KCND2: variants seen among roughly 807,000 people sequenced by gnomAD.
KCND2 encodes the protein potassium voltage-gated channel subfamily D member 2.
A neutral mutation model predicts 54.4 loss-of-function variants in KCND2; 16 were observed. The observed-to-expected ratio is 0.29, with a 90% CI of 0.20 to 0.45. The LOEUF (loss-of-function observed/expected upper bound fraction) is 0.45. Among genes scored for constraint, KCND2 ranks in the 20% least tolerant of loss-of-function variants. The pLI is 1.00. For synonymous variants in KCND2, 317 were observed against 310.7 expected (o/e 1.02, Z -0.21); for missense variants, 486 against 824.2 (o/e 0.59, Z 5.02).
chr7:120,596,095 A>T (rs1792742425), intron 1 of KCND2, among the ~76,000 whole-genome samples: 1 of 151,988 alleles, frequency 6.6e-6, no homozygotes, highest in African/African-American at 2.4e-5. Flanking sequence ...TTTCCAGGTG[A>T]TCTTTGTTTT....
At chr7:120,579,586 G>A (rs1265496747) in intron 1 of KCND2, among the ~76,000 whole-genome samples, 1 of 148,282 alleles carries the variant, frequency 6.7e-6, no homozygotes, top group African/African-American at 2.5e-5. Flanking sequence ...TGGAGACGGG[G>A]CGAGACTCTG....
At chr7:120,463,980 C>T (rs1357831701) in intron 1 of KCND2, 1 of 835,450 alleles carries the variant, frequency 1.2e-6, no homozygotes, top group Non-Finnish European at 1.4e-6. Context: ...AATACCCTGA[C>T]TGGCTACATT....
chr7:120,456,991 T>G (rs574576241), intron 1 of KCND2, among the ~76,000 whole-genome samples: 3 of 152,312 alleles, frequency 2.0e-5, no homozygotes, highest in Admixed American at 6.5e-5. Flanking sequence ...CAGGTGCACC[T>G]GCAGGGCCAA....
chr7:120,376,452 T>C (rs1230051925), intron 1 of KCND2, among the ~76,000 whole-genome samples: 1 of 151,072 alleles, frequency 6.6e-6, no homozygotes, highest in Non-Finnish European at 1.5e-5. Context: ...TGTTACAGTT[T>C]TTAAAATATT....
intron 1 of KCND2, among the ~76,000 whole-genome samples, chr7:120,587,020 G>A (rs1792608918): frequency 6.6e-6 from 1 of 151,728 alleles, no homozygotes; most frequent in Non-Finnish European, 1.5e-5. Flanking sequence ...ATCCAAATAG[G>A]GATTTTAAAT....
chr7:120,370,016 G>C (rs774309007), intron 1 of KCND2, among the ~76,000 whole-genome samples: 1 of 151,954 alleles, frequency 6.6e-6, no homozygotes, highest in South Asian at 2.1e-4. Flanking sequence ...ATGGGGAAGA[G>C]ACTTGCAATG....
At chr7:120,444,860 T>A in intron 1 of KCND2, among the ~76,000 whole-genome samples, 1 of 152,126 alleles carries the variant, frequency 6.6e-6, no homozygotes, top group East Asian at 1.9e-4. Flanking sequence ...ACAATTCCCA[T>A]TAACATCAAT....
In KCND2 at chr7:120,497,988, A is replaced by G. The variant is rs567535708; in HGVS notation, c.1115+222241A>G. Among the ~76,000 whole-genome samples the G allele has an allele frequency of 3.9e-5, 6 of 152,362 alleles. No homozygotes were observed. In the East Asian group the frequency reaches 1.2e-3, roughly 29 times the overall value. On this transcript the variant is annotated intron_variant, in intron 1 of 5. Coordinates refer to ENST00000331113, the MANE Select transcript of KCND2 (RefSeq NM_012281.3). ...TAAAAAATAAATTAATGGAATGACA[A>G]TAGAGGAAGCAACAAGATCTTAATG...
intron 1 of KCND2, among the ~76,000 whole-genome samples, chr7:120,723,425 G>C (rs141577901): frequency 2.6e-5 from 4 of 152,174 alleles, no homozygotes; most frequent in Non-Finnish European, 5.9e-5. Context: ...TCCAAGAGAA[G>C]AATAGATGGT....
intron 1 of KCND2, among the ~76,000 whole-genome samples, chr7:120,347,842 G>T (rs950239633): frequency 6.6e-6 from 1 of 152,108 alleles, no homozygotes; most frequent in African/African-American, 2.4e-5. Flanking sequence ...AGACAGAGTG[G>T]TTTATAAAGA....
chr7:120,439,283 G>A (rs1037409754), intron 1 of KCND2, among the ~76,000 whole-genome samples: 3 of 151,994 alleles, frequency 2.0e-5, no homozygotes, highest in Admixed American at 6.5e-5. Context: ...TCTTCACCTA[G>A]TGTTCTCTTT....
intron 1 of KCND2, among the ~76,000 whole-genome samples, chr7:120,706,662 A>G (rs1258696597): frequency 6.6e-6 from 1 of 152,214 alleles, no homozygotes; most frequent in Non-Finnish European, 1.5e-5. Context: ...ACAGAATTAC[A>G]TAGAAGAGTG....
At chr7:120,585,420 G>C (rs1209204670) in intron 1 of KCND2, among the ~76,000 whole-genome samples, 1 of 152,162 alleles carries the variant, frequency 6.6e-6, no homozygotes, top group Non-Finnish European at 1.5e-5. Context: ...GATGAGAAAA[G>C]GGAGGTGCAC....
intron 1 of KCND2, among the ~76,000 whole-genome samples, chr7:120,287,000 G>A (rs1444177317): frequency 3.3e-5 from 5 of 151,998 alleles, no homozygotes; most frequent in African/African-American, 4.8e-5. Flanking sequence ...AGGAAGTATA[G>A]TATATGTTTC....
intron 1 of KCND2, among the ~76,000 whole-genome samples, chr7:120,341,824 C>A (rs192770394): frequency 3.3e-5 from 5 of 152,002 alleles, no homozygotes; most frequent in Admixed American, 2.6e-4. Context: ...AGTTGAGAAA[C>A]AAGGAGGGGT....
intron 1 of KCND2, among the ~76,000 whole-genome samples, chr7:120,566,362 A>G (rs1261321245): frequency 6.6e-6 from 1 of 151,730 alleles, no homozygotes; most frequent in East Asian, 1.9e-4. Flanking sequence ...TCCTTTTAAG[A>G]TGAGGTCTGG....
At chr7:120,286,457 C>T (rs1799345770) in intron 1 of KCND2, among the ~76,000 whole-genome samples, 1 of 151,844 alleles carries the variant, frequency 6.6e-6, no homozygotes, top group Non-Finnish European at 1.5e-5. Flanking sequence ...TTAAATTTCA[C>T]TTTGCAAAAT....
chr7:120,668,192 T>A (rs534280911), intron 1 of KCND2, among the ~76,000 whole-genome samples: 1 of 152,174 alleles, frequency 6.6e-6, no homozygotes, highest in East Asian at 1.9e-4. Context: ...ATGGATTTTC[T>A]TCCTCAAAAA....
intron 1 of KCND2, among the ~76,000 whole-genome samples, chr7:120,327,229 T>A (rs1042459110): frequency 6.6e-6 from 1 of 152,098 alleles, no homozygotes; most frequent in African/African-American, 2.4e-5. Flanking sequence ...TGGTGACCTA[T>A]TAGCATAAAA....
Sources: gnomAD v4.1 joint callset for allele counts (sites outside exome capture counted in the v4.1 genomes callset) on GRCh38, gnomAD v4.1.1 for gene constraint, MANE v1.5 for transcripts, NCBI Gene and HGNC (gene_info 2026-07-23, HGNC 2026-07-21) for gene names.